The following ST3GAL1 variants were observed in gnomAD, a reference collection of about 807,000 sequenced individuals.
ST3GAL1 encodes the protein CMP-N-acetylneuraminate-beta-galactosamide-alpha-2,3-sialyltransferase 1.
Under a neutral mutation model 34.1 loss-of-function variants are expected in ST3GAL1, and 16 were observed. The ratio of observed to expected loss-of-function variants is 0.47; its 90% CI spans 0.32 to 0.71. The LOEUF (loss-of-function observed/expected upper bound fraction) is 0.71, where lower values mean the gene tolerates loss of function less well. Among genes scored for constraint, ST3GAL1 ranks in the 30% least tolerant of loss-of-function variants. The pLI, the probability that ST3GAL1 is intolerant of heterozygous loss-of-function variation, is 0.04. For missense variants in ST3GAL1, 353 were observed against 447.4 expected, an observed-to-expected ratio of 0.79 and a Z score of 1.90; for synonymous variants, 191 against 184.7, an observed-to-expected ratio of 1.03 and a Z score of -0.28.
At chr8:133,562,827 TTCC>T (rs1819276529) in intron 1 of ST3GAL1, among the ~76,000 whole-genome samples, 1 of 115,686 alleles carries the variant, frequency 8.6e-6, no homozygotes, top group African/African-American at 4.0e-5. Context: ...CCTTCCTTCC[TTCC>T]TTCCTTCCTT....
intron 2 of ST3GAL1, among the ~76,000 whole-genome samples, chr8:133,533,568 C>A (rs1182417902): frequency 1.3e-5 from 2 of 152,234 alleles, no homozygotes; most frequent in East Asian, 3.9e-4. Flanking sequence ...CCCCATTCCT[C>A]CCTGACTTGC....
At chr8:133,483,122 A>G (rs933642368) in intron 3 of ST3GAL1, among the ~76,000 whole-genome samples, 3 of 152,124 alleles carry the variant, frequency 2.0e-5, no homozygotes, top group African/African-American at 7.2e-5. Context: ...TGGGCGGATC[A>G]CTCGAGGTCA....
In ST3GAL1 at chr8:133,466,318, T is replaced by C. The variant is rs373624514; in HGVS notation, c.307-228A>G. Among the ~76,000 whole-genome samples the C allele has an allele frequency of 1.3e-5, 2 of 152,198 alleles. No individual in the cohort carries two copies. The highest frequency in any genetic ancestry group is 3.9e-4 in the East Asian group (2 of 5,190). ...AGAGAGCATTCATGTATTCTGCAAG[T>C]GTTTACTGAGCACCTACCATGTGCC... On this transcript the variant is annotated intron_variant, in intron 5 of 9. Transcript: ENST00000522652. This position sits in a 1 kb window ranked among gnomAD's most constrained non-coding sequence, Gnocchi z 4.4.
chr8:133,478,482 C>A (rs1449074700), intron 3 of ST3GAL1, among the ~76,000 whole-genome samples: 1 of 152,232 alleles, frequency 6.6e-6, no homozygotes, highest in Non-Finnish European at 1.5e-5. Flanking sequence ...GCTCAACCTG[C>A]AGCCCCACCC....
chr8:133,551,781 CATAACAG>C (rs1818872947), intron 1 of ST3GAL1, among the ~76,000 whole-genome samples: 1 of 152,168 alleles, frequency 6.6e-6, no homozygotes, highest in African/African-American at 2.4e-5. Context: ...CTTAAACTAG[CATAACAG>C]ATAACATTTT....
intron 6 of ST3GAL1, chr8:133,465,657 C>T (rs996895970): frequency 1.4e-5 from 6 of 425,658 alleles, no homozygotes; most frequent in Non-Finnish European, 2.5e-5. Flanking sequence ...CGGGGGACCT[C>T]CCGTGTATGG....
rs1563748134 is a variant in ST3GAL1 at position 133,571,032 on chromosome 8, G to C, written c.-582+661C>G. Reference sequence around the variant, plus strand: ...CCGCCACGCCGCGTTCAGCTCTCTTGTCCCGGGTGTCAACTTCACCCCCAG... The same window carrying C: ...CCGCCACGCCGCGTTCAGCTCTCTTCTCCCGGGTGTCAACTTCACCCCCAG... On this transcript the variant is annotated intron_variant, in intron 1 of 9. Transcript: ENST00000522652. This position sits in a 1 kb window ranked among gnomAD's most constrained non-coding sequence, Gnocchi z 6.7. 6.6e-6 allele frequency among the ~76,000 whole-genome samples: 1 copy of C among 152,200 alleles called. No individual in the cohort carries two copies. Among genetic ancestry groups the C allele is most frequent in the African/African-American group, 2.4e-5 (1 of 41,450 alleles).
intron 1 of ST3GAL1, among the ~76,000 whole-genome samples, chr8:133,558,828 T>A (rs1819133873): frequency 6.6e-6 from 1 of 152,230 alleles, no homozygotes; most frequent in Non-Finnish European, 1.5e-5. Context: ...CTTCCAATAA[T>A]GCTGTTTCAT....
At position 133,509,974 on chromosome 8, in the gene ST3GAL1, G is replaced by A. The variant is rs1817459345; in HGVS notation, c.-428-10785C>T. On this transcript the variant is annotated intron_variant, in intron 2 of 9. Coordinates refer to ENST00000522652, the MANE Select transcript of ST3GAL1 (RefSeq NM_173344.3). ...CTCGGGTGGCTGAGGCAGGAGAATT[G>A]CTTGAACCCAGAAGGCAGAGGTTGC... is the stretch of plus-strand genomic sequence containing the variant. Among the ~76,000 whole-genome samples, 2 of 150,880 alleles carry A rather than the reference G, an allele frequency of 1.3e-5. 1 individual carries two copies. Among genetic ancestry groups the A allele is most frequent in the African/African-American group, 4.9e-5 (2 of 41,082 alleles).
chr8:133,464,948 C>A lies in ST3GAL1; in HGVS notation c.513G>T (p.Lys171Asn). 6.2e-7 allele frequency: 1 copy of A among 1,612,848 alleles called. No individual in the cohort carries two copies. The highest frequency in any genetic ancestry group is 1.1e-5 in the South Asian group (1 of 90,986). ...CAGCTTCAAACCCTGCCGTGGGCGCCTTGTTCATCCTGGGAGAGAAGGGGA... is the reference window on the plus strand; with the variant it reads ...CAGCTTCAAACCCTGCCGTGGGCGCATTGTTCATCCTGGGAGAGAAGGGGA... ...DSHDFVLRMN[K>N]APTAGFEADV... The change falls in exon 7 of 10, where the codon AAG becomes AAT. Residue 171 changes from lysine to asparagine, a missense_variant. By Grantham distance (94) the Lys-to-Asn change is moderately conservative (BLOSUM62 0). Coordinates refer to ENST00000522652, the MANE Select transcript of ST3GAL1 (RefSeq NM_173344.3).
intron 2 of ST3GAL1, among the ~76,000 whole-genome samples, chr8:133,531,749 T>C (rs1674462011): frequency 7.3e-6 from 1 of 137,156 alleles, no homozygotes; most frequent in Non-Finnish European, 1.5e-5. Flanking sequence ...CAAACCACCA[T>C]GGCACATGTA....
rs751050152 is a variant in ST3GAL1 at position 133,459,535 on chromosome 8, G to A, written c.*229C>T. 5 of 428,114 alleles carry A rather than the reference G, an allele frequency of 1.2e-5. No homozygotes were observed. Among genetic ancestry groups the A allele is most frequent in the Non-Finnish European group, 1.6e-5 (4 of 245,450 alleles). The allele number at this position is 428,114 out of a possible 1,614,324, so 26.5% of individuals were successfully genotyped here. On this transcript the variant is annotated 3_prime_UTR_variant, in exon 10 of 10. Coordinates refer to ENST00000522652, the MANE Select transcript of ST3GAL1 (RefSeq NM_173344.3). This position sits in a 1 kb window ranked among gnomAD's most constrained non-coding sequence, Gnocchi z 4.7. ...AGCTCTAGGGCAGCAGTGGGGGGAC[G>A]TTGTCCCCACTCAAGACAGGTTCCA...
intron 2 of ST3GAL1, among the ~76,000 whole-genome samples, chr8:133,512,480 T>C (rs924939286): frequency 5.3e-5 from 8 of 152,184 alleles, no homozygotes; most frequent in African/African-American, 1.9e-4. Flanking sequence ...GACTCAAAGG[T>C]TAATCTCCTT....
chr8:133,540,886 T>TATATATAGAGAC (rs1406244082), intron 2 of ST3GAL1, among the ~76,000 whole-genome samples: 1 of 101,902 alleles, frequency 9.8e-6, no homozygotes, highest in Non-Finnish European at 1.9e-5. Flanking sequence ...TATAGAGACA[T>TATATATAGAGAC]ATATATAGAC....
chr8:133,504,582 T>C (rs764184913), intron 2 of ST3GAL1, among the ~76,000 whole-genome samples: 4 of 152,104 alleles, frequency 2.6e-5, no homozygotes, highest in Non-Finnish European at 4.4e-5. Context: ...TATTTGTTAG[T>C]TTGTTTTTCC....
At chr8:133,512,544 C>T (rs1185258652) in intron 2 of ST3GAL1, among the ~76,000 whole-genome samples, 4 of 152,088 alleles carry the variant, frequency 2.6e-5, no homozygotes, top group African/African-American at 9.7e-5. Flanking sequence ...TTCAATCAAA[C>T]GAGTTGACAG....
chr8:133,461,741 T>C lies in ST3GAL1; in HGVS notation c.849+134A>G. ...TGGGAGACACATGTTGCAAGTCCTGTCGTAGAGACAGGGAATCCGAGCTTC... is the reference window on the plus strand; with the variant it reads ...TGGGAGACACATGTTGCAAGTCCTGCCGTAGAGACAGGGAATCCGAGCTTC... On this transcript the variant is annotated intron_variant, in intron 9 of 9. Transcript: ENST00000522652. The surrounding 1 kb of genome is among the most constrained non-coding windows in gnomAD (Gnocchi z 4.7). The C allele has an allele frequency of 7.7e-7, 1 of 1,299,796 alleles. No homozygotes were observed. The highest frequency in any genetic ancestry group is 1.4e-5 in the South Asian group (1 of 73,174). 80.5% of individuals were successfully genotyped at this position (1,299,796 alleles called of 1,614,324 possible). A position where few individuals can be genotyped will look rare whatever the true frequency, so the allele number is the denominator to read the frequency against.
chr8:133,550,841 G>A (rs950626267), intron 1 of ST3GAL1, among the ~76,000 whole-genome samples: 1 of 152,108 alleles, frequency 6.6e-6, no homozygotes, highest in Non-Finnish European at 1.5e-5. Context: ...GCCACCTGAG[G>A]CTCCTTTCTA....
At position 133,466,863 on chromosome 8, in the gene ST3GAL1, C is replaced by A. The variant is rs182486665; in HGVS notation, c.307-773G>T. Reference sequence around the variant, plus strand: ...CCTGTAATCCCAGCACTTTGGGAGACCGAGGCAGGTGGATCACGAAGTCAG... The same window carrying A: ...CCTGTAATCCCAGCACTTTGGGAGAACGAGGCAGGTGGATCACGAAGTCAG... On this transcript the variant is annotated intron_variant, in intron 5 of 9. Coordinates refer to ENST00000522652, the MANE Select transcript of ST3GAL1 (RefSeq NM_173344.3). This position sits in a 1 kb window ranked among gnomAD's most constrained non-coding sequence, Gnocchi z 4.4. Among the ~76,000 whole-genome samples the A allele has an allele frequency of 1.6e-4, 25 of 152,272 alleles. No individual in the cohort carries two copies. Among genetic ancestry groups the A allele is most frequent in the African/African-American group, 6.0e-4 (25 of 41,540 alleles).
Sources: gnomAD v4.1 joint callset for allele counts (sites outside exome capture counted in the v4.1 genomes callset) on GRCh38, gnomAD v4.1.1 for gene constraint, Gnocchi (gnomAD v3.1) non-coding constraint, MANE v1.5 for transcripts, NCBI Gene and HGNC (gene_info 2026-07-23, HGNC 2026-07-21) for gene names.